The following LRP1B variants were observed in gnomAD, a reference collection of about 807,000 sequenced individuals.
The protein encoded by LRP1B is low-density lipoprotein receptor-related protein 1B.
LRP1B carries 217 observed loss-of-function variants against 556.6 expected under a neutral mutation model. That is an observed-to-expected ratio of 0.39 (90% confidence interval 0.35 to 0.44). The LOEUF is 0.44. LRP1B is among the 20% of genes least tolerant of loss of function. The pLI, the probability that LRP1B is intolerant of heterozygous loss-of-function variation, is 1.00. For missense variants in LRP1B, 5,053 were observed against 5,620.8 expected, an observed-to-expected ratio of 0.90 and a Z score of 3.23; for synonymous variants, 2,047 against 1,865.8, an observed-to-expected ratio of 1.10 and a Z score of -2.50.
intron 2 of LRP1B, among the ~76,000 whole-genome samples, chr2:141,595,209 G>A (rs900308842): frequency 3.9e-5 from 6 of 152,028 alleles, no homozygotes; most frequent in Non-Finnish European, 8.8e-5. Flanking sequence ...GAAGTTAAAT[G>A]TTGCTTTGTG....
At chr2:142,084,770 A>G (rs1574667272) in intron 1 of LRP1B, among the ~76,000 whole-genome samples, 1 of 152,180 alleles carries the variant, frequency 6.6e-6, no homozygotes, top group Admixed American at 6.5e-5. Flanking sequence ...CATTCTCCAT[A>G]TAATTGCCAA....
At position 140,325,838 on chromosome 2, in the gene LRP1B, A is replaced by G. The variant is rs1462835073; in HGVS notation, c.12264T>C (p.Ala4088=). 2 of 1,613,076 alleles carry G rather than the reference A, an allele frequency of 1.2e-6. No homozygotes were observed. Among genetic ancestry groups the G allele is most frequent in the African/African-American group, 1.3e-5 (1 of 74,912 alleles). ...TGCCAATGATGGAGAGCTCAAAGTC[A>G]GCCCAATATATGCGTTCACTAAAAT... is the stretch of plus-strand genomic sequence containing the variant. ...VDYFSERIYW[A]DFELSIIGSV... is the part of the protein sequence containing the mutation. The change falls in exon 80 of 91, where the codon GCT becomes GCC. Residue 4088 remains alanine (A), a synonymous_variant. Coordinates refer to ENST00000389484, the MANE Select transcript of LRP1B (RefSeq NM_018557.3).
At chr2:140,819,135 TC>T (rs1451971165) in intron 31 of LRP1B, among the ~76,000 whole-genome samples, 2 of 152,092 alleles carry the variant, frequency 1.3e-5, no homozygotes, top group East Asian at 3.9e-4. Context: ...GAATAATGCC[TC>T]ATACAGTTGT....
At chr2:141,246,117 T>C (rs989620923) in intron 5 of LRP1B, among the ~76,000 whole-genome samples, 4 of 152,316 alleles carry the variant, frequency 2.6e-5, no homozygotes, top group Non-Finnish European at 4.4e-5. Context: ...GGAAATTATA[T>C]AGTGATAGAG....
intron 1 of LRP1B, among the ~76,000 whole-genome samples, chr2:141,938,780 G>A (rs537272810): frequency 2.5e-4 from 38 of 151,924 alleles, no homozygotes; most frequent in African/African-American, 8.4e-4. Context: ...GTGTATATGT[G>A]TATCTATATA....
intron 84 of LRP1B, among the ~76,000 whole-genome samples, chr2:140,290,651 GATC>G (rs918636117): frequency 2.0e-5 from 3 of 152,014 alleles, no homozygotes; most frequent in African/African-American, 7.2e-5. Flanking sequence ...CTCTTTTCCT[GATC>G]ATTTTAAAAG....
At chr2:140,375,548 CT>C in intron 68 of LRP1B, among the ~76,000 whole-genome samples, 1 of 152,152 alleles carries the variant, frequency 6.6e-6, no homozygotes. Flanking sequence ...TATACTGATA[CT>C]TTTGGATTTA....
intron 18 of LRP1B, among the ~76,000 whole-genome samples, chr2:140,969,794 G>C (rs1201151414): frequency 6.6e-6 from 1 of 152,094 alleles, no homozygotes; most frequent in African/African-American, 2.4e-5. Flanking sequence ...AGCTTAGTTT[G>C]GCTGGATATG....
At chr2:141,933,538 A>T (rs2104999201) in intron 1 of LRP1B, among the ~76,000 whole-genome samples, 1 of 152,296 alleles carries the variant, frequency 6.6e-6, no homozygotes, top group South Asian at 2.1e-4. Flanking sequence ...AAAGAGCTAC[A>T]TCATGAGTGT....
intron 84 of LRP1B, among the ~76,000 whole-genome samples, chr2:140,285,327 AT>A (rs1683101163): frequency 2.6e-5 from 1 of 38,446 alleles, no homozygotes; most frequent in Non-Finnish European, 1.5e-4. Flanking sequence ...ACACACACAT[AT>A]ACACATACAT....
intron 2 of LRP1B, among the ~76,000 whole-genome samples, chr2:141,583,506 C>T (rs1031436388): frequency 1.3e-5 from 2 of 151,978 alleles, no homozygotes; most frequent in African/African-American, 4.8e-5. Context: ...CTCCAAAAAT[C>T]AGTTGAGAGT....
chr2:140,618,277 A>G (rs535065094), intron 41 of LRP1B, among the ~76,000 whole-genome samples: 1 of 152,160 alleles, frequency 6.6e-6, no homozygotes, highest in African/African-American at 2.4e-5. Context: ...TGAGGGCTCT[A>G]TAGAAATATC....
At chr2:141,361,771 GA>G (rs1688835208) in intron 3 of LRP1B, among the ~76,000 whole-genome samples, 1 of 152,166 alleles carries the variant, frequency 6.6e-6, no homozygotes, top group Non-Finnish European at 1.5e-5. Flanking sequence ...CAGTCCTTCA[GA>G]AAAGTCTATT....
At chr2:140,895,077 T>C (rs1392816741) in intron 23 of LRP1B, among the ~76,000 whole-genome samples, 1 of 152,142 alleles carries the variant, frequency 6.6e-6, no homozygotes, top group African/African-American at 2.4e-5. Context: ...AATTAAACTT[T>C]GGGTAGTGGA....
intron 84 of LRP1B, among the ~76,000 whole-genome samples, chr2:140,297,254 AAAGC>A (rs1683647110): frequency 1.3e-5 from 2 of 152,176 alleles, no homozygotes; most frequent in Admixed American, 6.5e-5. Flanking sequence ...AATGAAATAT[AAAGC>A]AAGTTTCTCA....
At chr2:140,288,481 C>T (rs1332850292) in intron 84 of LRP1B, among the ~76,000 whole-genome samples, 1 of 151,790 alleles carries the variant, frequency 6.6e-6, no homozygotes, top group Admixed American at 6.6e-5. Flanking sequence ...AAAAGTTACT[C>T]TTAAATTTAC....
chr2:140,321,598 A>G (rs539052764), intron 82 of LRP1B, among the ~76,000 whole-genome samples: 1 of 152,142 alleles, frequency 6.6e-6, no homozygotes, highest in Non-Finnish European at 1.5e-5. Flanking sequence ...ATAGAAATGT[A>G]TTGAATAAAT....
At chr2:140,748,799 C>CATGTATATAATATATATCAT (rs1559094721) in intron 35 of LRP1B, among the ~76,000 whole-genome samples, 207 of 18,418 alleles carry the variant, frequency 0.011, 27 homozygotes, top group East Asian at 0.059. Context: ...ATATTATATA[C>CATGTATATAATATATATCAT]ATATTATATA....
In LRP1B at chr2:140,907,783, T is replaced by G; in HGVS notation, c.3520+94A>C. 3.8e-6 allele frequency: 4 copies of G among 1,061,732 alleles called. No homozygotes were observed. In the South Asian group the frequency reaches 5.5e-5, roughly 15 times the overall value. The allele number at this position is 1,061,732 out of a possible 1,614,324, so 65.8% of individuals were successfully genotyped here. A position where few individuals can be genotyped will look rare whatever the true frequency, so the allele number is the denominator to read the frequency against. On this transcript the variant is annotated intron_variant, in intron 22 of 90. Transcript: ENST00000389484. ...AAAAGCTACATTTAAAGGGAATGAA[T>G]GAAAGGAATGAATGCTACTATATTA... is the stretch of plus-strand genomic sequence containing the variant.
Sources: gnomAD v4.1 joint callset for allele counts (sites outside exome capture counted in the v4.1 genomes callset) on GRCh38, gnomAD v4.1.1 for gene constraint, MANE v1.5 for transcripts, NCBI Gene and HGNC (gene_info 2026-07-23, HGNC 2026-07-21) for gene names.